RPTOR: variants seen among roughly 807,000 people sequenced by gnomAD.
RPTOR encodes regulatory associated protein of MTOR complex 1.
Under a neutral mutation model 169.9 loss-of-function variants are expected in RPTOR, and 21 were observed. The observed-to-expected ratio is 0.12, with a 90% confidence interval of 0.09 to 0.18. The LOEUF is 0.18. RPTOR is among the 10% of genes least tolerant of loss of function. The pLI is 1.00. For missense variants in RPTOR, 1,133 were observed against 1,855.9 expected (o/e 0.61, Z 7.16); for synonymous variants, 732 against 753.2 (o/e 0.97, Z 0.46).
At chr17:80,634,775 T>C (rs62068348) in intron 2 of RPTOR, among the ~76,000 whole-genome samples, 10,036 of 66,492 alleles carry the variant, frequency 0.15, 1,822 homozygotes, top group Non-Finnish European at 0.2. Flanking sequence ...TGTGCGTGTG[T>C]GTACTGTGTG....
intron 13 of RPTOR, among the ~76,000 whole-genome samples, chr17:80,865,446 G>T (rs2067975770): frequency 6.6e-6 from 1 of 152,158 alleles, no homozygotes. Flanking sequence ...AAGGCAAAAG[G>T]ACGGGAAGAG....
intron 28 of RPTOR, among the ~76,000 whole-genome samples, chr17:80,956,418 G>A (rs1332563749): frequency 2.0e-5 from 3 of 152,248 alleles, no homozygotes; most frequent in Non-Finnish European, 4.4e-5. Context: ...CCCACACAAA[G>A]GGCAGCCCTT....
chr17:80,865,554 A>G (rs1423433528), intron 13 of RPTOR, among the ~76,000 whole-genome samples: 2 of 152,180 alleles, frequency 1.3e-5, no homozygotes, highest in African/African-American at 4.8e-5. Flanking sequence ...AACAATAAAG[A>G]TAGACATTTC....
intron 9 of RPTOR, among the ~76,000 whole-genome samples, chr17:80,835,643 C>T (rs1032911805): frequency 2.0e-5 from 3 of 152,198 alleles, no homozygotes; most frequent in African/African-American, 7.2e-5. Context: ...ACCTTGCGGG[C>T]GCAAACTTTG....
At chr17:80,727,740 T>C (rs945654652) in intron 4 of RPTOR, among the ~76,000 whole-genome samples, 21 of 151,180 alleles carry the variant, frequency 1.4e-4, no homozygotes, top group African/African-American at 4.1e-4. Flanking sequence ...TCTACCACAC[T>C]GGCATTTAGA....
At chr17:80,733,116 TG>T (rs1400472775) in intron 5 of RPTOR, among the ~76,000 whole-genome samples, 1 of 152,238 alleles carries the variant, frequency 6.6e-6, no homozygotes, top group East Asian at 1.9e-4. Flanking sequence ...GTGCTTGTCC[TG>T]GGACCAGGAG....
intron 7 of RPTOR, among the ~76,000 whole-genome samples, chr17:80,811,963 C>T (rs575467535): frequency 2.5e-4 from 37 of 150,334 alleles, no homozygotes; most frequent in Middle Eastern, 3.4e-3. Flanking sequence ...TCACTCCACC[C>T]GTGGGACACA....
chr17:80,911,426 G>A (rs903059644), intron 21 of RPTOR, among the ~76,000 whole-genome samples: 3 of 152,098 alleles, frequency 2.0e-5, no homozygotes, highest in Admixed American at 1.3e-4. Flanking sequence ...TTCATTATGC[G>A]GTAAGAAAAC....
intron 3 of RPTOR, among the ~76,000 whole-genome samples, chr17:80,699,820 G>A (rs2066069194): frequency 6.7e-6 from 1 of 150,006 alleles, no homozygotes; most frequent in African/African-American, 2.5e-5. Flanking sequence ...TGCAGTGATG[G>A]GGAGCTAGAG....
chr17:80,836,860 G>A (rs2067569726), intron 9 of RPTOR, among the ~76,000 whole-genome samples: 2 of 152,190 alleles, frequency 1.3e-5, no homozygotes, highest in African/African-American at 4.8e-5. Context: ...GCCTGGAGGT[G>A]TGAGGTCCAA....
At chr17:80,733,768 T>C (rs573841948) in intron 5 of RPTOR, among the ~76,000 whole-genome samples, 10 of 152,370 alleles carry the variant, frequency 6.6e-5, no homozygotes, top group African/African-American at 2.2e-4. Context: ...AATTCTAGAT[T>C]GAAGAGGCTG....
At chr17:80,554,782 A>AACG (rs1055874785) in intron 1 of RPTOR, among the ~76,000 whole-genome samples, 6 of 148,750 alleles carry the variant, frequency 4.0e-5, no homozygotes, top group Middle Eastern at 3.5e-3. Context: ...CAACAACAAC[A>AACG]ACAAAAAAAA....
chr17:80,927,536 A>G (rs1483454946), intron 24 of RPTOR, among the ~76,000 whole-genome samples: 1 of 152,016 alleles, frequency 6.6e-6, no homozygotes, highest in African/African-American at 2.4e-5. Context: ...TTCCTTTCCT[A>G]AGCATTTTTA....
chr17:80,874,601 T>C (rs903250792), intron 13 of RPTOR, among the ~76,000 whole-genome samples: 3 of 152,210 alleles, frequency 2.0e-5, no homozygotes, highest in Admixed American at 1.3e-4. Context: ...AAGCTTGTCT[T>C]GCACTGCTCG....
chr17:80,673,391 C>G (rs540196988), intron 3 of RPTOR, among the ~76,000 whole-genome samples: 2 of 152,122 alleles, frequency 1.3e-5, no homozygotes, highest in African/African-American at 4.8e-5. Flanking sequence ...GTTTTGGATG[C>G]GAGCAATGAG....
intron 12 of RPTOR, 90 bp from the exon 13 acceptor site, chr17:80,857,700 T>G (rs1598356983): frequency 2.5e-6 from 2 of 788,576 alleles, no homozygotes; most frequent in Middle Eastern, 6.0e-4. Flanking sequence ...GTGCTGAAGA[T>G]AGCACCGCAG....
At chr17:80,863,495 A>G (rs1259667267) in intron 13 of RPTOR, among the ~76,000 whole-genome samples, 2 of 152,204 alleles carry the variant, frequency 1.3e-5, no homozygotes, top group Non-Finnish European at 2.9e-5. Context: ...TACATATTCA[A>G]AAAGTTAAAT....
Position 80,791,443 on chromosome 17 carries a change from T to C in RPTOR, c.831-7T>C, listed in dbSNP as rs772740143. On this transcript the variant is annotated splice_region_variant and splice_polypyrimidine_tract_variant and intron_variant, in intron 6 of 33. Transcript: ENST00000306801. ...CATGCCGTTCACATTCTTTTCTTTC[T>C]CTGCAGGTTTTGCATGCAGAAATGT... The C allele has an allele frequency of 1.4e-5, 22 of 1,612,606 alleles. No individual in the cohort carries two copies. The highest frequency in any genetic ancestry group is 1.9e-5 in the Non-Finnish European group (22 of 1,179,636).
At chr17:80,839,888 G>A (rs1002004259) in intron 10 of RPTOR, among the ~76,000 whole-genome samples, 3 of 152,158 alleles carry the variant, frequency 2.0e-5, no homozygotes. Context: ...TCTTTTCAAG[G>A]ATTTTACTCT....
Sources: allele counts gnomAD v4.1 joint callset (sites outside exome capture counted in the v4.1 genomes callset), GRCh38; gene constraint gnomAD v4.1.1; transcripts MANE v1.5; gene names NCBI Gene and HGNC (gene_info 2026-07-23, HGNC 2026-07-21).